Variants in MSI2 observed in about 807,000 individuals in gnomAD.
The protein encoded by MSI2 is RNA-binding protein Musashi homolog 2.
In MSI2, 17 loss-of-function variants were observed where a neutral mutation model predicts 45.6. That is an observed-to-expected ratio of 0.37 (90% CI 0.26 to 0.56). MSI2 has a LOEUF of 0.56. Among genes scored for constraint, MSI2 ranks in the 20% least tolerant of loss-of-function variants. The pLI is 0.77. For missense variants in MSI2, 293 were observed against 444.2 expected, an observed-to-expected ratio of 0.66 and a Z score of 3.06; for synonymous variants, 156 against 158.2, an observed-to-expected ratio of 0.99 and a Z score of 0.11.
intron 5 of MSI2, among the ~76,000 whole-genome samples, chr17:57,382,704 C>A (rs941723225): frequency 3.9e-5 from 6 of 152,330 alleles, no homozygotes; most frequent in Admixed American, 2.0e-4. Flanking sequence ...CCCACGAGGA[C>A]AGTGGTCCCA....
At chr17:57,600,496 C>T (rs1286618011) in intron 8 of MSI2, among the ~76,000 whole-genome samples, 1 of 152,196 alleles carries the variant, frequency 6.6e-6, no homozygotes, top group East Asian at 1.9e-4. Flanking sequence ...CACTGAAGGA[C>T]CACATGTCTG....
At chr17:57,451,140 T>TA (rs2143550206) in intron 6 of MSI2, among the ~76,000 whole-genome samples, 1 of 152,288 alleles carries the variant, frequency 6.6e-6, no homozygotes, top group South Asian at 2.1e-4. Flanking sequence ...GAGTACCAGA[T>TA]ACTGTGGCTG....
intron 5 of MSI2, among the ~76,000 whole-genome samples, chr17:57,327,038 G>GCTCCA: frequency 6.6e-6 from 1 of 152,280 alleles, no homozygotes; most frequent in African/African-American, 2.4e-5. Context: ...GCCAAATGGA[G>GCTCCA]CTCGGTACTT....
intron 6 of MSI2, among the ~76,000 whole-genome samples, chr17:57,458,013 C>T (rs998667137): frequency 6.6e-6 from 1 of 150,734 alleles, no homozygotes; most frequent in Non-Finnish European, 1.5e-5. Flanking sequence ...TGGGCATATA[C>T]ATATATAAAA....
intron 7 of MSI2, among the ~76,000 whole-genome samples, chr17:57,585,032 G>A (rs932014358): frequency 6.6e-6 from 1 of 152,044 alleles, no homozygotes; most frequent in African/African-American, 2.4e-5. Context: ...TGGCCAGGCT[G>A]GTCTTGAACT....
chr17:57,502,396 T>C lies in MSI2; in HGVS notation c.406-27280T>C, dbSNP rs550613838. Reference sequence around the variant, plus strand: ...TGAACTTAGCCAAATTTCTCAGCCCTCTGGATTTCAGTTTCCTCATTGATA... The same window carrying C: ...TGAACTTAGCCAAATTTCTCAGCCCCCTGGATTTCAGTTTCCTCATTGATA... On this transcript the variant is annotated intron_variant, in intron 6 of 13. Coordinates refer to ENST00000284073, the MANE Select transcript of MSI2 (RefSeq NM_138962.4). 3.3e-5 allele frequency among the ~76,000 whole-genome samples: 5 copies of C among 151,998 alleles called. No individual in the cohort carries two copies. The East Asian group carries it at 9.7e-4, about 29-fold the overall frequency.
At chr17:57,284,187 G>A (rs1295874091) in intron 5 of MSI2, among the ~76,000 whole-genome samples, 1 of 152,040 alleles carries the variant, frequency 6.6e-6, no homozygotes, top group Non-Finnish European at 1.5e-5. Context: ...CTTCTTTAAT[G>A]AAAGAGTTGG....
At chr17:57,442,129 C>A (rs934653769) in intron 6 of MSI2, among the ~76,000 whole-genome samples, 1 of 151,890 alleles carries the variant, frequency 6.6e-6, no homozygotes, top group African/African-American at 2.4e-5. Context: ...CTCCACCTCC[C>A]GGGTTCAAGC....
chr17:57,320,725 G>C (rs1913262633), intron 5 of MSI2, among the ~76,000 whole-genome samples: 1 of 152,144 alleles, frequency 6.6e-6, no homozygotes, highest in African/African-American at 2.4e-5. Context: ...GGATGCCCCT[G>C]GCCCCGTCTT....
At position 57,613,535 on chromosome 17, in the gene MSI2, A is replaced by T. The variant is rs76037019; in HGVS notation, c.538-2435A>T. ...TCCGGTAGGGCAAATTCCTAGAGGT[A>T]AGATTACTAGGTGTATGTATAAATT... On this transcript the variant is annotated intron_variant, in intron 8 of 13. Coordinates refer to ENST00000284073, the MANE Select transcript of MSI2 (RefSeq NM_138962.4). Among the ~76,000 whole-genome samples, 521 of 152,308 alleles carry T rather than the reference A, an allele frequency of 3.4e-3. 5 individuals are homozygous for T. Among genetic ancestry groups the T allele is most frequent in the African/African-American group, 0.012 (485 of 41,554 alleles).
At chr17:57,454,074 G>A (rs1175279792) in intron 6 of MSI2, among the ~76,000 whole-genome samples, 1 of 152,246 alleles carries the variant, frequency 6.6e-6, no homozygotes, top group Non-Finnish European at 1.5e-5. Flanking sequence ...AGGGCAGAAG[G>A]CTCAGTGAAA....
At chr17:57,502,508 T>C (rs943123030) in intron 6 of MSI2, among the ~76,000 whole-genome samples, 4 of 150,036 alleles carry the variant, frequency 2.7e-5, no homozygotes, top group African/African-American at 9.8e-5. Context: ...CGGCATAGTG[T>C]CAGATCTACA....
rs1434691976 is a variant in MSI2 at position 57,591,884 on chromosome 17, A to G, written c.455-4984A>G. Among the ~76,000 whole-genome samples the G allele has an allele frequency of 2.0e-5, 3 of 152,116 alleles. No individual in the cohort carries two copies. In the East Asian group the frequency reaches 5.8e-4, roughly 29 times the overall value. On this transcript the variant is annotated intron_variant, in intron 7 of 13. Coordinates refer to ENST00000284073, the MANE Select transcript of MSI2 (RefSeq NM_138962.4). ...CTTAATGCCACTGAATTGTGTGATT[A>G]AAAATGGCTACAATGGCCGAGCACA...
intron 5 of MSI2, among the ~76,000 whole-genome samples, chr17:57,317,336 G>A (rs1479906544): frequency 2.6e-5 from 4 of 152,106 alleles, no homozygotes; most frequent in African/African-American, 9.7e-5. Flanking sequence ...TTGAAAAAAG[G>A]AGACATAACT....
chr17:57,529,538 G>A lies in MSI2; in HGVS notation c.406-138G>A, dbSNP rs1004149029. 1.0e-5 allele frequency: 7 copies of A among 702,866 alleles called. No homozygotes were observed. Among genetic ancestry groups the A allele is most frequent in the African/African-American group, 1.9e-5 (1 of 53,458 alleles). 43.5% of individuals were successfully genotyped at this position (702,866 alleles called of 1,614,324 possible). ...TGTTTTTTTTTCTTTCTACTTTTTT[G>A]CATTTTCAAATATTTTTTGATAAGC... On this transcript the variant is annotated intron_variant, in intron 6 of 13. Transcript: ENST00000284073. This position sits in a 1 kb window ranked among gnomAD's most constrained non-coding sequence, Gnocchi z 5.3.
At position 57,457,016 on chromosome 17, in the gene MSI2, T is replaced by G. The variant is rs60138853; in HGVS notation, c.405+55545T>G. On this transcript the variant is annotated intron_variant, in intron 6 of 13. Coordinates refer to ENST00000284073, the MANE Select transcript of MSI2 (RefSeq NM_138962.4). ...AGGAAGGAGAAGTTTGGCAGCATCC[T>G]GTTCCAAGGCCTAGAGTTTTAATGT... Among the ~76,000 whole-genome samples, 39 of 152,328 alleles carry G rather than the reference T, an allele frequency of 2.6e-4. 1 individual carries two copies. The East Asian group carries it at 7.3e-3, about 29-fold the overall frequency.
chr17:57,504,931 A>T (rs1399238593), intron 6 of MSI2, among the ~76,000 whole-genome samples: 14 of 111,142 alleles, frequency 1.3e-4, no homozygotes, highest in African/African-American at 2.2e-4. Flanking sequence ...AACTCCATTT[A>T]AAAAAAAAAA....
intron 8 of MSI2, among the ~76,000 whole-genome samples, chr17:57,597,454 G>C (rs1905356431): frequency 9.0e-6 from 1 of 110,978 alleles, no homozygotes; most frequent in Non-Finnish European, 1.8e-5. Context: ...AACATAGCCA[G>C]ACCTCATCTC....
intron 5 of MSI2, among the ~76,000 whole-genome samples, chr17:57,335,786 C>T (rs1415487551): frequency 6.6e-6 from 1 of 152,180 alleles, no homozygotes; most frequent in East Asian, 1.9e-4. Context: ...GAGTGCTCTT[C>T]AGGGACAGTG....
Sources: allele counts gnomAD v4.1 joint callset (sites outside exome capture counted in the v4.1 genomes callset), GRCh38; gene constraint gnomAD v4.1.1; non-coding constraint Gnocchi (gnomAD v3.1); transcripts MANE v1.5; gene names NCBI Gene and HGNC (gene_info 2026-07-23, HGNC 2026-07-21).